NKAIN2: variants seen among roughly 807,000 people sequenced by gnomAD.
The protein encoded by NKAIN2 is sodium/potassium-transporting ATPase subunit beta-1-interacting protein 2.
NKAIN2 carries 14 observed loss-of-function variants against 32.6 expected under a neutral mutation model. The observed-to-expected ratio is 0.43, with a 90% CI of 0.28 to 0.67. NKAIN2 has a LOEUF of 0.67. NKAIN2 is among the 30% of genes least tolerant of loss of function. NKAIN2 has a pLI of 0.17. For missense variants in NKAIN2, 198 were observed against 258.3 expected, an observed-to-expected ratio of 0.77 and a Z score of 1.60; for synonymous variants, 80 against 87.2, an observed-to-expected ratio of 0.92 and a Z score of 0.46.
chr6:123,868,250 A>G (rs1231801758), intron 1 of NKAIN2, among the ~76,000 whole-genome samples: 1 of 152,204 alleles, frequency 6.6e-6, no homozygotes, highest in East Asian at 1.9e-4. Flanking sequence ...TGTCATATGC[A>G]TGTCTAACCC....
At chr6:124,187,411 T>C (rs528541536) in intron 1 of NKAIN2, among the ~76,000 whole-genome samples, 1 of 152,312 alleles carries the variant, frequency 6.6e-6, no homozygotes, top group African/African-American at 2.4e-5. Context: ...CATTAAGGGC[T>C]TTCTTTATTC....
intron 3 of NKAIN2, among the ~76,000 whole-genome samples, chr6:124,477,977 C>G (rs1777298562): frequency 6.6e-6 from 1 of 151,616 alleles, no homozygotes; most frequent in Admixed American, 6.6e-5. Context: ...AATACAAAAT[C>G]AGAGACTCTC....
chr6:124,169,331 A>G (rs1788732389), intron 1 of NKAIN2, among the ~76,000 whole-genome samples: 1 of 152,140 alleles, frequency 6.6e-6, no homozygotes, highest in African/African-American at 2.4e-5. Flanking sequence ...GAAAGAGGCT[A>G]ATTCTGCTCT....
intron 1 of NKAIN2, among the ~76,000 whole-genome samples, chr6:124,139,906 A>G (rs1372366717): frequency 1.3e-5 from 2 of 152,202 alleles, no homozygotes; most frequent in Non-Finnish European, 2.9e-5. Flanking sequence ...CAACCAAAAA[A>G]TGTGGCTAAA....
At chr6:124,684,253 A>G (rs986624879) in intron 4 of NKAIN2, among the ~76,000 whole-genome samples, 1 of 152,196 alleles carries the variant, frequency 6.6e-6, no homozygotes, top group African/African-American at 2.4e-5. Context: ...TTTAAAAGAC[A>G]TAACAGCAGT....
At chr6:124,664,274 C>CA (rs1263351728) in intron 4 of NKAIN2, among the ~76,000 whole-genome samples, 2 of 140,194 alleles carry the variant, frequency 1.4e-5, no homozygotes, top group Admixed American at 7.2e-5. Context: ...GACTCTGTCT[C>CA]AAAAAAAAGA....
chr6:124,072,780 T>G (rs1374356937), intron 1 of NKAIN2, among the ~76,000 whole-genome samples: 1 of 152,204 alleles, frequency 6.6e-6, no homozygotes, highest in Non-Finnish European at 1.5e-5. Flanking sequence ...TTTTATTTCT[T>G]TCTTCTTTGA....
At chr6:124,516,416 C>G (rs1294760891) in intron 3 of NKAIN2, among the ~76,000 whole-genome samples, 3 of 151,978 alleles carry the variant, frequency 2.0e-5, no homozygotes. Context: ...AGAAAAAAAG[C>G]AACGCTTTCT....
At chr6:124,337,075 A>T (rs1797908772) in intron 2 of NKAIN2, among the ~76,000 whole-genome samples, 2 of 152,188 alleles carry the variant, frequency 1.3e-5, no homozygotes, top group African/African-American at 4.8e-5. Flanking sequence ...TCTTAAAAAT[A>T]TATGTGCTTC....
Position 124,453,893 on chromosome 6 carries a change from A to G in NKAIN2, c.273+98546A>G, listed in dbSNP as rs149180146. ...TCTCCTTCAGGCTTACCTAAGAAAA[A>G]TTATGAACATGAGTTTATAAAAGCA... On this transcript the variant is annotated intron_variant, in intron 3 of 6. Coordinates refer to ENST00000368417, the MANE Select transcript of NKAIN2 (RefSeq NM_001040214.3). Among the ~76,000 whole-genome samples the G allele has an allele frequency of 7.9e-5, 12 of 152,252 alleles. No individual in the cohort carries two copies. The East Asian group carries it at 2.1e-3, about 27-fold the overall frequency.
chr6:124,310,522 TC>T (rs1204863618), intron 2 of NKAIN2, among the ~76,000 whole-genome samples: 3 of 152,248 alleles, frequency 2.0e-5, no homozygotes, highest in Admixed American at 6.6e-5. Context: ...TAAATGTACC[TC>T]CCTGGGTTGT....
At chr6:123,873,429 A>G (rs930900148) in intron 1 of NKAIN2, among the ~76,000 whole-genome samples, 2 of 152,218 alleles carry the variant, frequency 1.3e-5, no homozygotes, top group African/African-American at 4.8e-5. Context: ...CTTGTAGGCC[A>G]TGGGAAAGAA....
intron 1 of NKAIN2, among the ~76,000 whole-genome samples, chr6:123,830,536 C>T (rs1041612712): frequency 7.2e-5 from 11 of 152,174 alleles, no homozygotes; most frequent in South Asian, 2.1e-4. Flanking sequence ...CTTGTTCTCA[C>T]GTAGTTTACA....
intron 1 of NKAIN2, among the ~76,000 whole-genome samples, chr6:123,921,931 C>CAA (rs777980067): frequency 1.6e-5 from 2 of 128,580 alleles, no homozygotes; most frequent in African/African-American, 5.7e-5. Flanking sequence ...ACTCTGTCTC[C>CAA]AAAAAAAAAA....
At chr6:124,103,803 T>C (rs1038095684) in intron 1 of NKAIN2, among the ~76,000 whole-genome samples, 1 of 152,136 alleles carries the variant, frequency 6.6e-6, no homozygotes, top group African/African-American at 2.4e-5. Flanking sequence ...ATTCTGAACC[T>C]GGGGCCGGGT....
intron 1 of NKAIN2, among the ~76,000 whole-genome samples, chr6:124,202,006 C>T (rs753641307): frequency 1.5e-4 from 23 of 151,904 alleles, no homozygotes; most frequent in Non-Finnish European, 2.8e-4. Flanking sequence ...ACGTGGTTAG[C>T]TATAATTCTC....
intron 1 of NKAIN2, among the ~76,000 whole-genome samples, chr6:124,227,791 G>A (rs1265573283): frequency 6.6e-6 from 1 of 152,128 alleles, no homozygotes; most frequent in Admixed American, 6.6e-5. Flanking sequence ...AGGGCAGATG[G>A]GCCTTCTGGA....
intron 1 of NKAIN2, among the ~76,000 whole-genome samples, chr6:123,896,536 A>G (rs901150919): frequency 2.6e-5 from 4 of 152,218 alleles, no homozygotes; most frequent in African/African-American, 9.6e-5. Flanking sequence ...GCACATGACC[A>G]TTCATGATGA....
At chr6:123,881,855 A>C (rs1469511963) in intron 1 of NKAIN2, among the ~76,000 whole-genome samples, 8 of 152,184 alleles carry the variant, frequency 5.3e-5, no homozygotes, top group Admixed American at 5.2e-4. Context: ...TCTTTCATAC[A>C]TGAATATGAC....
Sources: gnomAD v4.1 joint callset for allele counts (sites outside exome capture counted in the v4.1 genomes callset) on GRCh38, gnomAD v4.1.1 for gene constraint, MANE v1.5 for transcripts, NCBI Gene and HGNC (gene_info 2026-07-23, HGNC 2026-07-21) for gene names.